SELP: variants seen among roughly 807,000 people sequenced by gnomAD.
SELP encodes P-selectin.
Under a neutral mutation model 104.1 loss-of-function variants are expected in SELP, and 92 were observed. That is an observed-to-expected ratio of 0.88 (90% CI 0.75 to 1.05). SELP has a LOEUF of 1.05. Ranked by LOEUF, SELP falls within the 50% of genes least tolerant of loss-of-function variation. SELP has a pLI of 0.00. For missense variants in SELP, 1,022 were observed against 1,017.3 expected (o/e 1.00, Z -0.06); for synonymous variants, 397 against 364.5 (o/e 1.09, Z -1.01).
chr1:169,604,660 G>A (rs1213404046), intron 9 of SELP, among the ~76,000 whole-genome samples: 2 of 152,230 alleles, frequency 1.3e-5, no homozygotes, highest in East Asian at 3.9e-4. Context: ...CCAAAGATCT[G>A]GTTCTTTTCT....
At chr1:169,624,155 T>C (rs907663573) in intron 1 of SELP, among the ~76,000 whole-genome samples, 9 of 152,206 alleles carry the variant, frequency 5.9e-5, no homozygotes, top group Admixed American at 3.9e-4. Context: ...AAAATCTTCT[T>C]TGAGTAACAG....
At chr1:169,606,807 G>T in intron 9 of SELP, 142 bp downstream of exon 9, 1 of 745,416 alleles carries the variant, frequency 1.3e-6, no homozygotes, top group Non-Finnish European at 2.2e-6. Flanking sequence ...TGGGTTATAG[G>T]ACAAGAGGAT....
At chr1:169,629,071 GCA>G (rs1438207315) in intron 1 of SELP, among the ~76,000 whole-genome samples, 1 of 152,198 alleles carries the variant, frequency 6.6e-6, no homozygotes, top group East Asian at 1.9e-4. Context: ...GCCACAGACT[GCA>G]GGATTTCGGA....
chr1:169,601,993 A>G lies in SELP; in HGVS notation c.1705+1033T>C, dbSNP rs74673120. On this transcript the variant is annotated intron_variant, in intron 10 of 16. Coordinates refer to ENST00000263686, the MANE Select transcript of SELP (RefSeq NM_003005.4). ...ACAGGAGCTATGAATTAATTAATTC[A>G]GTGCACTTCTATTTTAGAACATAAA... Among the ~76,000 whole-genome samples, 14 of 152,330 alleles carry G rather than the reference A, an allele frequency of 9.2e-5. No homozygotes were observed. The East Asian group carries it at 1.9e-3, about 21-fold the overall frequency.
rs1662056209 is a variant in SELP at position 169,604,041 on chromosome 1, G to A, written c.1520-830C>T. ...GAATTGCCACACTGACTTCCACCAT[G>A]GTTGAACTAGTTTACAGTCCCACCA... On this transcript the variant is annotated intron_variant, in intron 9 of 16. Coordinates refer to ENST00000263686, the MANE Select transcript of SELP (RefSeq NM_003005.4). 5.3e-5 allele frequency among the ~76,000 whole-genome samples: 8 copies of A among 152,204 alleles called. No individual in the cohort carries two copies. In the South Asian group the frequency reaches 1.5e-3, roughly 28 times the overall value.
chr1:169,590,747 A>C (rs1661318579), intron 15 of SELP, among the ~76,000 whole-genome samples: 1 of 152,296 alleles, frequency 6.6e-6, no homozygotes, highest in South Asian at 2.1e-4. Flanking sequence ...ACTCTTGTTC[A>C]TTACAAAAAT....
rs1370490837 is a variant in SELP at position 169,617,053 on chromosome 1, C to T, written c.456G>A (p.Lys152=). Residue 152 remains lysine, a synonymous_variant, in exon 3 of 17, where the codon AAG becomes AAA. Coordinates refer to ENST00000263686, the MANE Select transcript of SELP (RefSeq NM_003005.4). The stretch of plus-strand genomic sequence containing the variant: ...CTGTGTAACACAATGCGTGCTTTTT[C>T]TTCAAGCAGTGCTCATCATTCCACT... ...PGKWNDEHCL[K]KKHALCYTAS... 1.2e-6 allele frequency: 2 copies of T among 1,611,228 alleles called. No homozygotes were observed. Among genetic ancestry groups the T allele is most frequent in the Admixed American group, 3.4e-5 (2 of 59,676 alleles).
intron 10 of SELP, among the ~76,000 whole-genome samples, chr1:169,598,655 C>T (rs934737132): frequency 5.3e-5 from 8 of 152,102 alleles, no homozygotes; most frequent in African/African-American, 1.2e-4. Flanking sequence ...AACATTTTCA[C>T]AAAAATAACT....
chr1:169,624,067 C>G (rs1475433758), intron 1 of SELP, among the ~76,000 whole-genome samples: 1 of 152,122 alleles, frequency 6.6e-6, no homozygotes, highest in Non-Finnish European at 1.5e-5. Context: ...TAATGTGGCC[C>G]AAGTTCAAGA....
intron 14 of SELP, among the ~76,000 whole-genome samples, chr1:169,592,778 A>G (rs916373768): frequency 2.0e-5 from 3 of 152,192 alleles, no homozygotes; most frequent in African/African-American, 7.2e-5. Flanking sequence ...CTCTTAGCTT[A>G]TCACACCAGG....
chr1:169,607,268 A>T (rs1054062284), intron 8 of SELP, 134 bp from the exon 9 acceptor site: 1 of 646,844 alleles, frequency 1.5e-6, no homozygotes, highest in Non-Finnish European at 2.4e-6. Flanking sequence ...GATAAGAAAA[A>T]GTGTCATTTA....
intron 12 of SELP, among the ~76,000 whole-genome samples, 167 bp from the exon 13 acceptor site, chr1:169,595,044 T>C (rs1483898190): frequency 6.6e-6 from 1 of 152,154 alleles, no homozygotes; most frequent in African/African-American, 2.4e-5. Flanking sequence ...ACAGCACATA[T>C]ATGAAAATAT....
At chr1:169,617,695 G>A (rs3917703) in intron 2 of SELP, among the ~76,000 whole-genome samples, 8,296 of 152,230 alleles carry the variant, frequency 0.054, 264 homozygotes, top group South Asian at 0.11. Context: ...GAGGGACCCT[G>A]GAAGTCATCT....
At chr1:169,612,537 T>C in intron 5 of SELP, 135 bp from the exon 6 acceptor site, 1 of 743,320 alleles carries the variant, frequency 1.3e-6, no homozygotes, top group Non-Finnish European at 2.2e-6. Context: ...GGTTAAATGG[T>C]GTTTTCAATA....
chr1:169,595,651 T>C (rs3917819), intron 12 of SELP, among the ~76,000 whole-genome samples: 34,890 of 152,172 alleles, frequency 0.23, 7,200 homozygotes, highest in African/African-American at 0.56. Flanking sequence ...ATTTAATATG[T>C]CTATTTTTCT....
At chr1:169,613,544 T>G in intron 4 of SELP, 42 bp downstream of exon 4, 2 of 1,470,674 alleles carry the variant, frequency 1.4e-6, no homozygotes, top group Non-Finnish European at 1.9e-6. Flanking sequence ...GCATCATCTC[T>G]AGCATAAAAC....
chr1:169,596,139 T>C lies in SELP; in HGVS notation c.1892-5A>G. The C allele has an allele frequency of 6.2e-7, 1 of 1,612,904 alleles. No homozygotes were observed. The highest frequency in any genetic ancestry group is 8.5e-7 in the Non-Finnish European group (1 of 1,179,230). On this transcript the variant is annotated splice_region_variant and splice_polypyrimidine_tract_variant and intron_variant, in intron 11 of 16. Coordinates refer to ENST00000263686, the MANE Select transcript of SELP (RefSeq NM_003005.4). ...GAGTAGGAAGTGATGCTATGCCTGT[T>C]GTGAGAAAATGTTTCCATTCAGAGA...
Position 169,597,095 on chromosome 1 carries a change from G to A in SELP, c.1787C>T (p.Ser596Phe), listed in dbSNP as rs1211884118. 1 of 1,613,210 alleles carries A rather than the reference G, an allele frequency of 6.2e-7. No individual in the cohort carries two copies. The highest frequency in any genetic ancestry group is 8.5e-7 in the Non-Finnish European group (1 of 1,179,628). ...GTTGTCACAAGAGAAATGGCAGGTG[G>A]AGCCAACATTGAATTCTCCACGAGT... Reference protein sequence around the residue: ...SDTRGEFNVGSTCHFSCDNGF... With the variant: ...SDTRGEFNVGFTCHFSCDNGF... The change falls in exon 11 of 17, where the codon TCC (serine) becomes TTC (phenylalanine). Residue 596 changes from serine (S) to phenylalanine (F), a missense_variant. Coordinates refer to ENST00000263686, the MANE Select transcript of SELP (RefSeq NM_003005.4).
intron 8 of SELP, among the ~76,000 whole-genome samples, chr1:169,608,600 AT>A (rs1302451369): frequency 6.6e-6 from 1 of 152,150 alleles, no homozygotes; most frequent in Non-Finnish European, 1.5e-5. Context: ...CTTTTTACTT[AT>A]CCTTTCATCC....
Sources: gnomAD v4.1 joint callset for allele counts (sites outside exome capture counted in the v4.1 genomes callset) on GRCh38, gnomAD v4.1.1 for gene constraint, MANE v1.5 for transcripts, NCBI Gene and HGNC (gene_info 2026-07-23, HGNC 2026-07-21) for gene names.